Variants in ERBB4 observed in about 807,000 individuals in gnomAD.
ERBB4 encodes the protein erb-b2 receptor tyrosine kinase 4.
ERBB4 carries 42 observed loss-of-function variants against 158.0 expected under a neutral mutation model. The ratio of observed to expected loss-of-function variants is 0.27; its 90% confidence interval spans 0.21 to 0.34. The LOEUF is 0.34. ERBB4 is among the 10% of genes least tolerant of loss of function. ERBB4 has a pLI of 1.00. For missense variants in ERBB4, 1,333 were observed against 1,624.1 expected (o/e 0.82, Z 3.08); for synonymous variants, 583 against 558.7 (o/e 1.04, Z -0.61).
intron 2 of ERBB4, among the ~76,000 whole-genome samples, chr2:211,983,336 G>C (rs1460746972): frequency 6.6e-6 from 1 of 152,106 alleles, no homozygotes; most frequent in Admixed American, 6.6e-5. Context: ...AATGAAGGCT[G>C]GTTGACTCTC....
intron 1 of ERBB4, among the ~76,000 whole-genome samples, chr2:212,165,101 T>C (rs2081309670): frequency 6.6e-6 from 1 of 151,950 alleles, no homozygotes; most frequent in Non-Finnish European, 1.5e-5. Context: ...GTCCCTCCTG[T>C]CTTGTTCCTT....
At chr2:211,507,768 A>G (rs550761414) in intron 20 of ERBB4, among the ~76,000 whole-genome samples, 14 of 152,158 alleles carry the variant, frequency 9.2e-5, no homozygotes, top group Non-Finnish European at 1.8e-4. Context: ...ACAGCATGGT[A>G]GTGGTAACAA....
At position 211,788,278 on chromosome 2, in the gene ERBB4, T is replaced by C. The variant is rs924304476; in HGVS notation, c.422-119A>G. The C allele has an allele frequency of 9.9e-6, 7 of 706,392 alleles. 1 individual carries two copies. The allele number at this position is 706,392 out of a possible 1,614,324, so 43.8% of individuals were successfully genotyped here. A position where few individuals can be genotyped will look rare whatever the true frequency, so the allele number is the denominator to read the frequency against. On this transcript the variant is annotated intron_variant, in intron 3 of 27. Coordinates refer to ENST00000342788, the MANE Select transcript of ERBB4 (RefSeq NM_005235.3). The stretch of plus-strand genomic sequence containing the variant: ...TGTTAAATTAGAGTCATGTTGCTAA[T>C]AGCCAAGATATCTTTTAAAATATCT...
At chr2:211,412,554 G>A (rs562497273) in intron 25 of ERBB4, among the ~76,000 whole-genome samples, 1 of 152,226 alleles carries the variant, frequency 6.6e-6, no homozygotes, top group South Asian at 2.1e-4. Context: ...TTAACTCTTT[G>A]ATGGCAGGAC....
chr2:211,668,511 T>A lies in ERBB4; in HGVS notation c.1717-3034A>T, dbSNP rs73080756. Among the ~76,000 whole-genome samples, 1,452 of 152,206 alleles carry A rather than the reference T, an allele frequency of 9.5e-3. 24 individuals are homozygous for A. The highest frequency in any genetic ancestry group is 0.033 in the African/African-American group (1,372 of 41,548). ...AAGGTCAAGGCAATATTCTTCCTTA[T>A]CCCTATTTCTAAACTACCTCTGGAG... On this transcript the variant is annotated intron_variant, in intron 14 of 27. Coordinates refer to ENST00000342788, the MANE Select transcript of ERBB4 (RefSeq NM_005235.3).
At chr2:212,423,817 C>G (rs1314736494) in intron 1 of ERBB4, among the ~76,000 whole-genome samples, 1 of 152,080 alleles carries the variant, frequency 6.6e-6, no homozygotes, top group Non-Finnish European at 1.5e-5. Context: ...TATACTTTCA[C>G]CTGATGAGAG....
intron 1 of ERBB4, among the ~76,000 whole-genome samples, chr2:212,537,756 T>C (rs1185657360): frequency 6.6e-6 from 1 of 151,538 alleles, no homozygotes; most frequent in Non-Finnish European, 1.5e-5. Flanking sequence ...GCCTTTTTTT[T>C]TTTTTTTAAG....
At chr2:211,779,860 G>A (rs900330354) in intron 4 of ERBB4, 11 of 152,116 alleles carry the variant, frequency 7.2e-5, no homozygotes, top group African/African-American at 1.9e-4. Context: ...CAGTAAAATT[G>A]TTACACAACT....
chr2:212,094,843 G>T (rs1000502565), intron 2 of ERBB4, among the ~76,000 whole-genome samples: 1 of 152,012 alleles, frequency 6.6e-6, no homozygotes, highest in Non-Finnish European at 1.5e-5. Context: ...AATTCTCGAG[G>T]TTAGTGAAAT....
chr2:211,849,345 C>T (rs969084987), intron 3 of ERBB4, among the ~76,000 whole-genome samples: 4 of 151,886 alleles, frequency 2.6e-5, no homozygotes, highest in African/African-American at 9.7e-5. Flanking sequence ...TAAAGTACTA[C>T]AGATTAATTT....
intron 19 of ERBB4, among the ~76,000 whole-genome samples, chr2:211,576,720 A>C (rs2067903769): frequency 6.6e-6 from 1 of 152,144 alleles, no homozygotes; most frequent in Non-Finnish European, 1.5e-5. Flanking sequence ...TTAGTATAAA[A>C]ATTATAAACA....
chr2:212,356,569 T>C (rs999714550), intron 1 of ERBB4, among the ~76,000 whole-genome samples: 1 of 151,960 alleles, frequency 6.6e-6, no homozygotes, highest in African/African-American at 2.4e-5. Context: ...ATAACACTTG[T>C]CTCCTAAAGT....
intron 2 of ERBB4, among the ~76,000 whole-genome samples, chr2:211,948,055 C>T (rs1269920728): frequency 2.6e-5 from 4 of 152,128 alleles, no homozygotes; most frequent in Non-Finnish European, 4.4e-5. Context: ...TTTAAAATGG[C>T]TCTATTGGTG....
chr2:211,589,296 T>C (rs2068389806), intron 19 of ERBB4, among the ~76,000 whole-genome samples: 1 of 152,182 alleles, frequency 6.6e-6, no homozygotes, highest in Non-Finnish European at 1.5e-5. Context: ...TAGGTGTATT[T>C]TTTAATTAAA....
chr2:212,322,043 T>C (rs969921102), intron 1 of ERBB4, among the ~76,000 whole-genome samples: 1 of 150,510 alleles, frequency 6.6e-6, no homozygotes, highest in African/African-American at 2.4e-5. Context: ...GGATACAATA[T>C]TTATGGTCCT....
chr2:211,982,600 T>G (rs1281323989), intron 2 of ERBB4, among the ~76,000 whole-genome samples: 1 of 152,128 alleles, frequency 6.6e-6, no homozygotes, highest in Non-Finnish European at 1.5e-5. Context: ...TGAAAGACTT[T>G]GGACAAAAGG....
chr2:212,003,350 C>A (rs1451769983), intron 2 of ERBB4, among the ~76,000 whole-genome samples: 2 of 142,330 alleles, frequency 1.4e-5, no homozygotes, highest in Non-Finnish European at 1.5e-5. Flanking sequence ...AGCTGAAAAG[C>A]AAATAATGAT....
chr2:211,674,239 C>T (rs926946177), intron 13 of ERBB4, among the ~76,000 whole-genome samples: 1 of 151,996 alleles, frequency 6.6e-6, no homozygotes, highest in Non-Finnish European at 1.5e-5. Flanking sequence ...GCTTTTGTGT[C>T]CTGTGTTACT....
intron 2 of ERBB4, among the ~76,000 whole-genome samples, chr2:211,977,531 T>TAAAAAAA (rs370595284): frequency 0.035 from 2,364 of 67,566 alleles, 176 homozygotes; most frequent in African/African-American, 0.11. Flanking sequence ...ATATTGACTT[T>TAAAAAAA]AAAAAAAAAA....
Sources: allele counts gnomAD v4.1 joint callset (sites outside exome capture counted in the v4.1 genomes callset), GRCh38; gene constraint gnomAD v4.1.1; transcripts MANE v1.5; gene names NCBI Gene and HGNC (gene_info 2026-07-23, HGNC 2026-07-21).